Variants in CBFA2T2 observed in about 807,000 individuals in gnomAD.
The protein encoded by CBFA2T2 is protein CBFA2T2.
Under a neutral mutation model 62.2 loss-of-function variants are expected in CBFA2T2, and 11 were observed. That is an observed-to-expected ratio of 0.18 (90% CI 0.11 to 0.29). The LOEUF (loss-of-function observed/expected upper bound fraction) is 0.29. Ranked by LOEUF, CBFA2T2 falls within the 10% of genes least tolerant of loss-of-function variation. CBFA2T2 has a pLI of 1.00. For missense variants in CBFA2T2, 592 were observed against 774.1 expected (o/e 0.76, Z 2.79); for synonymous variants, 295 against 287.5 (o/e 1.03, Z -0.27).
chr20:33,505,309 G>C (rs2011383453), intron 1 of CBFA2T2, among the ~76,000 whole-genome samples: 1 of 152,166 alleles, frequency 6.6e-6, no homozygotes, highest in South Asian at 2.1e-4. Flanking sequence ...TTTGAATTTT[G>C]AGTTAATTTC....
At chr20:33,630,941 ACAAC>A (rs970955524) in intron 8 of CBFA2T2, among the ~76,000 whole-genome samples, 40 of 152,342 alleles carry the variant, frequency 2.6e-4, no homozygotes, top group Admixed American at 2.4e-3. Context: ...CCATGGAATT[ACAAC>A]CATTAGGTGG....
intron 1 of CBFA2T2, among the ~76,000 whole-genome samples, chr20:33,535,024 A>G (rs1317069082): frequency 6.6e-6 from 1 of 152,186 alleles, no homozygotes; most frequent in African/African-American, 2.4e-5. Context: ...GTTGCCAGAA[A>G]CCTTCCATTT....
At chr20:33,545,283 T>A (rs1332219406) in intron 1 of CBFA2T2, among the ~76,000 whole-genome samples, 1 of 152,200 alleles carries the variant, frequency 6.6e-6, no homozygotes, top group Non-Finnish European at 1.5e-5. Flanking sequence ...TTGATCAGTT[T>A]TTGAAAAATG....
intron 3 of CBFA2T2, among the ~76,000 whole-genome samples, chr20:33,612,011 T>C (rs559562821): frequency 6.6e-6 from 1 of 151,946 alleles, no homozygotes; most frequent in African/African-American, 2.4e-5. Flanking sequence ...CCAAGGAGAG[T>C]AGAGAGGTAG....
chr20:33,624,236 T>TAAAAAAA (rs373462820), intron 5 of CBFA2T2, among the ~76,000 whole-genome samples: 234 of 68,398 alleles, frequency 3.4e-3, no homozygotes, highest in East Asian at 5.4e-3. Flanking sequence ...TTTTTAAAAG[T>TAAAAAAA]AAAAAAAAAA....
chr20:33,531,334 G>A (rs185904258), intron 1 of CBFA2T2, among the ~76,000 whole-genome samples: 2 of 152,264 alleles, frequency 1.3e-5, no homozygotes, highest in African/African-American at 4.8e-5. Flanking sequence ...AGCTCAGAGC[G>A]GGGAAAGCAC....
At chr20:33,546,934 C>T (rs1034255303) in intron 1 of CBFA2T2, among the ~76,000 whole-genome samples, 1 of 152,166 alleles carries the variant, frequency 6.6e-6, no homozygotes, top group Non-Finnish European at 1.5e-5. Flanking sequence ...GGCTCAGTGG[C>T]TCATGCCTGT....
intron 1 of CBFA2T2, among the ~76,000 whole-genome samples, chr20:33,509,252 A>G (rs565238587): frequency 9.9e-5 from 15 of 152,196 alleles, no homozygotes; most frequent in African/African-American, 3.4e-4. Context: ...CTGTAGTCCT[A>G]GCTACTTGGG....
intron 1 of CBFA2T2, among the ~76,000 whole-genome samples, chr20:33,495,405 AG>A (rs2011189646): frequency 6.8e-6 from 1 of 147,148 alleles, no homozygotes; most frequent in Non-Finnish European, 1.5e-5. Flanking sequence ...AAAAAAAAAA[AG>A]GCCGGGCACG....
chr20:33,494,677 C>T (rs1013404030), intron 1 of CBFA2T2, among the ~76,000 whole-genome samples: 1 of 151,962 alleles, frequency 6.6e-6, no homozygotes, highest in African/African-American at 2.4e-5. Context: ...TGGCTCACCA[C>T]AACCTCCGCC....
intron 1 of CBFA2T2, among the ~76,000 whole-genome samples, chr20:33,565,268 G>C (rs2013260833): frequency 6.6e-6 from 1 of 152,130 alleles, no homozygotes; most frequent in African/African-American, 2.4e-5. Context: ...GTAAAAATTT[G>C]GGGGCATCTC....
intron 1 of CBFA2T2, among the ~76,000 whole-genome samples, chr20:33,531,910 A>C (rs1367855424): frequency 6.6e-6 from 1 of 152,258 alleles, no homozygotes; most frequent in East Asian, 1.9e-4. Flanking sequence ...AAGGTAGGAA[A>C]GTAAGAACAA....
chr20:33,634,361 T>C (rs970084570), intron 8 of CBFA2T2, among the ~76,000 whole-genome samples: 4 of 152,246 alleles, frequency 2.6e-5, no homozygotes, highest in East Asian at 1.9e-4. Flanking sequence ...CTGGATGTTA[T>C]GATTCTGAGA....
intron 1 of CBFA2T2, among the ~76,000 whole-genome samples, chr20:33,523,293 A>T (rs2011785009): frequency 6.6e-6 from 1 of 151,556 alleles, no homozygotes. Context: ...ATTTTTTTTT[A>T]TATTTTGAGA....
chr20:33,640,554 G>T (rs980660762), intron 10 of CBFA2T2, 23 bp downstream of exon 10: 1 of 1,611,058 alleles, frequency 6.2e-7, no homozygotes. Context: ...CGCCCTGGGG[G>T]CTGGGGTGAG....
intron 1 of CBFA2T2, among the ~76,000 whole-genome samples, chr20:33,524,872 T>C (rs1218490594): frequency 1.3e-5 from 2 of 152,258 alleles, no homozygotes; most frequent in African/African-American, 4.8e-5. Flanking sequence ...CTCACTGTGT[T>C]GCCCAGGCAT....
intron 1 of CBFA2T2, among the ~76,000 whole-genome samples, chr20:33,594,326 A>G (rs4911130): frequency 7.1e-4 from 108 of 152,192 alleles, no homozygotes; most frequent in Middle Eastern, 3.4e-3. Context: ...GGTTGGAGCA[A>G]TTCTCTTGCC....
chr20:33,570,772 T>C (rs2013530398), intron 1 of CBFA2T2, among the ~76,000 whole-genome samples: 1 of 152,234 alleles, frequency 6.6e-6, no homozygotes, highest in African/African-American at 2.4e-5. Flanking sequence ...CAGTCTAATG[T>C]GAGACTCATT....
chr20:33,529,743 T>TTATATATATATA (rs139769122), intron 1 of CBFA2T2, among the ~76,000 whole-genome samples: 1 of 4,042 alleles, frequency 2.5e-4, no homozygotes, highest in African/African-American at 3.2e-4. Context: ...AAGAAAGCAG[T>TTATATATATATA]TATATATATA....
Sources: gnomAD v4.1 joint callset for allele counts (sites outside exome capture counted in the v4.1 genomes callset) on GRCh38, gnomAD v4.1.1 for gene constraint, MANE v1.5 for transcripts, NCBI Gene and HGNC (gene_info 2026-07-23, HGNC 2026-07-21) for gene names.